Variants in SPRR2D observed in about 807,000 individuals in gnomAD.
SPRR2D encodes small proline-rich protein 2D.
For missense variants in SPRR2D, 81 were observed against 87.2 expected (o/e 0.93, Z 0.28); for synonymous variants, 43 against 32.8 (o/e 1.31, Z -1.06).
chr1:153,040,565 TC>T, intron 1 of SPRR2D, 200 bp from the exon 2 acceptor site: 2 of 944,664 alleles, frequency 2.1e-6, no homozygotes, highest in South Asian at 3.5e-5. Flanking sequence ...TTGTGTTTTC[TC>T]ATACAATTTT....
chr1:153,040,861 A>G (rs1320581275), intron 1 of SPRR2D: 1 of 179,826 alleles, frequency 5.6e-6, no homozygotes, highest in Non-Finnish European at 1.2e-5. Context: ...CTTCAATTCA[A>G]AGCTTTCCTA....
In SPRR2D at chr1:153,039,966, T is replaced by A. The variant is rs3204298; in HGVS notation, c.*162A>T. 3 of 1,377,556 alleles carry A rather than the reference T, an allele frequency of 2.2e-6. No individual in the cohort carries two copies. The highest frequency in any genetic ancestry group is 1.5e-5 in the African/African-American group (1 of 68,866). The allele number at this position is 1,377,556 out of a possible 1,614,324, so 85.3% of individuals were successfully genotyped here. A position where few individuals can be genotyped will look rare whatever the true frequency, so the allele number is the denominator to read the frequency against. On this transcript the variant is annotated 3_prime_UTR_variant, in exon 2 of 2. Coordinates refer to ENST00000360379, the MANE Select transcript of SPRR2D (RefSeq NM_006945.5). ...CAGTATGGCAGCCTCAGAAAGGGAA[T>A]CTTTTGCTGTCACAGATCATCACAG... is the stretch of plus-strand genomic sequence containing the variant.
In SPRR2D at chr1:153,040,340, A is replaced by C. The variant is rs755560875; in HGVS notation, c.7T>G (p.Tyr3Asp). 8.1e-6 allele frequency: 13 copies of C among 1,611,742 alleles called. No individual in the cohort carries two copies. The South Asian group carries it at 8.8e-5, about 11-fold the overall frequency. Residue 3 changes from tyrosine (Y) to aspartate (D), a missense_variant, in exon 2 of 2, where the codon TAT becomes GAT. Coordinates refer to ENST00000360379, the MANE Select transcript of SPRR2D (RefSeq NM_006945.5). Reference protein sequence around the residue: MSYQQQQCKQPCQ... With the variant: MSDQQQQCKQPCQ... ...GGCTGCTTGCACTGCTGCTGTTGATAAGACATCCTGCTGGAGTCTCAGGAT... is the reference window on the plus strand; with the variant it reads ...GGCTGCTTGCACTGCTGCTGTTGATCAGACATCCTGCTGGAGTCTCAGGAT...
chr1:153,040,888 T>C (rs1163138825), intron 1 of SPRR2D, 190 bp downstream of exon 1: 1 of 173,982 alleles, frequency 5.7e-6, no homozygotes, highest in African/African-American at 2.4e-5. Flanking sequence ...TCTCTGTCCG[T>C]ATGGACACCT....
intron 1 of SPRR2D, 81 bp from the exon 2 acceptor site, chr1:153,040,446 T>G: frequency 6.3e-7 from 1 of 1,575,914 alleles, no homozygotes; most frequent in Non-Finnish European, 8.6e-7. Context: ...TACCATGAAA[T>G]ATTATTTCCC....
chr1:153,040,500 C>T, intron 1 of SPRR2D, 135 bp from the exon 2 acceptor site: 1 of 1,419,854 alleles, frequency 7.0e-7, no homozygotes, highest in Non-Finnish European at 9.3e-7. Context: ...CTTTTCAAGA[C>T]TACTTCGTTT....
At position 153,040,213 on chromosome 1, in the gene SPRR2D, C is replaced by A. The variant is rs1207060917; in HGVS notation, c.134G>T (p.Cys45Phe). ...PCPSPKCPQP[C>F]PPQQCQQKYP... is the part of the protein sequence containing the mutation. Reference sequence around the variant, plus strand: ...TTTCTGCTGGCACTGCTGAGGTGGGCAGGGCTGTGGACACTTTGGTGATGG... The same window carrying A: ...TTTCTGCTGGCACTGCTGAGGTGGGAAGGGCTGTGGACACTTTGGTGATGG... The change falls in exon 2 of 2, where the codon TGC becomes TTC. Residue 45 changes from cysteine (C) to phenylalanine (F), a missense_variant. By Grantham distance (205) the Cys-to-Phe change is radical. Transcript: ENST00000360379. 1 of 1,612,630 alleles carries A rather than the reference C, an allele frequency of 6.2e-7. No individual in the cohort carries two copies. Among genetic ancestry groups the A allele is most frequent in the Non-Finnish European group, 8.5e-7 (1 of 1,179,852 alleles).
chr1:153,040,090 T>C lies in SPRR2D; in HGVS notation c.*38A>G. ...GCTGTGGAACGAGGTGAGCCAATTA[T>C]CCTTATCCTCTCATGCTCCTGATGA... On this transcript the variant is annotated 3_prime_UTR_variant, in exon 2 of 2. Transcript: ENST00000360379. 1.9e-6 allele frequency: 3 copies of C among 1,599,100 alleles called. No individual in the cohort carries two copies. The highest frequency in any genetic ancestry group is 1.7e-6 in the Non-Finnish European group (2 of 1,173,232).
Position 153,039,784 on chromosome 1 carries a change from G to A in SPRR2D, c.*344C>T, listed in dbSNP as rs1250395195. ...GTGAAAGATAAATGACAATTGCAAA[G>A]GTGGTAGAAGCTCATGACCAGGTGA... is the stretch of plus-strand genomic sequence containing the variant. On this transcript the variant is annotated 3_prime_UTR_variant, in exon 2 of 2. Transcript: ENST00000360379. 2.3e-6 allele frequency: 1 copy of A among 438,890 alleles called. No individual in the cohort carries two copies. The highest frequency in any genetic ancestry group is 4.0e-6 in the Non-Finnish European group (1 of 250,106). 27.2% of individuals were successfully genotyped at this position (438,890 alleles called of 1,614,324 possible).
In SPRR2D at chr1:153,039,919, C is replaced by G; in HGVS notation, c.*209G>C. 1 of 1,059,534 alleles carries G rather than the reference C, an allele frequency of 9.4e-7. No homozygotes were observed. The highest frequency in any genetic ancestry group is 1.3e-6 in the Non-Finnish European group (1 of 749,752). 65.6% of individuals were successfully genotyped at this position (1,059,534 alleles called of 1,614,324 possible). On this transcript the variant is annotated 3_prime_UTR_variant, in exon 2 of 2. Coordinates refer to ENST00000360379, the MANE Select transcript of SPRR2D (RefSeq NM_006945.5). The stretch of plus-strand genomic sequence containing the variant: ...CTGGCACAGCTGAGGACTTCCTTTT[C>G]TTAGCTCCACCTGGACAGTGGCAGT...
At chr1:153,040,788 A>T (rs1481720923) in intron 1 of SPRR2D, 1 of 195,358 alleles carries the variant, frequency 5.1e-6, no homozygotes, top group African/African-American at 2.4e-5. Flanking sequence ...ACCTGTTAAG[A>T]CACAAACCTT....
chr1:153,040,462 C>G (rs909686220), intron 1 of SPRR2D, 97 bp from the exon 2 acceptor site: 11 of 1,539,998 alleles, frequency 7.1e-6, no homozygotes, highest in Non-Finnish European at 9.6e-6. Context: ...TTCCCCATCT[C>G]CAAGAAATTA....
rs753655789 is a variant in SPRR2D at position 153,040,310 on chromosome 1, G to A, written c.37C>T (p.Gln13Ter). 4 of 1,612,092 alleles carry A rather than the reference G, an allele frequency of 2.5e-6. No individual in the cohort carries two copies. The East Asian group carries it at 8.9e-5, about 36-fold the overall frequency. Residue 13 changes from glutamine to a stop codon, truncating the protein, a stop_gained, in exon 2 of 2, where the codon CAG (glutamine) becomes TAG (stop). Transcript: ENST00000360379. LOFTEE classifies it low-confidence loss of function (END_TRUNC). ...GGCGTGGGGCACACAGGAGGTGGCT[G>A]GCAGGGCTGCTTGCACTGCTGCTGT... is the stretch of plus-strand genomic sequence containing the variant. ...YQQQQCKQPC[Q>*]PPPVCPTPKC... is the part of the protein sequence containing the mutation.
Position 153,039,736 on chromosome 1 carries a change from T to A in SPRR2D, c.*392A>T. 2.8e-6 allele frequency: 1 copy of A among 355,106 alleles called. No homozygotes were observed. The highest frequency in any genetic ancestry group is 5.0e-6 in the Non-Finnish European group (1 of 198,292). The allele number at this position is 355,106 out of a possible 1,614,324, so 22.0% of individuals were successfully genotyped here. A position where few individuals can be genotyped will look rare whatever the true frequency, so the allele number is the denominator to read the frequency against. The stretch of plus-strand genomic sequence containing the variant: ...CAAAAGATCCATTCACAAATATATA[T>A]GCATAGATACTTTATTCAGGGAGTG... On this transcript the variant is annotated 3_prime_UTR_variant, in exon 2 of 2. Transcript: ENST00000360379.
rs1653957992 is a variant in SPRR2D at position 153,040,355 on chromosome 1, A to C, written c.-9T>G. ...TGCTGTTGATAAGACATCCTGCTGG[A>C]GTCTCAGGATCTGAAAGAAATGATA... On this transcript the variant is annotated 5_prime_UTR_variant, in exon 2 of 2. Coordinates refer to ENST00000360379, the MANE Select transcript of SPRR2D (RefSeq NM_006945.5). 1 of 1,611,348 alleles carries C rather than the reference A, an allele frequency of 6.2e-7. No homozygotes were observed. Among genetic ancestry groups the C allele is most frequent in the East Asian group, 2.2e-5 (1 of 44,866 alleles).
intron 1 of SPRR2D, chr1:153,040,698 C>CCTCTT: frequency 9.7e-6 from 4 of 413,498 alleles, no homozygotes; most frequent in Admixed American, 8.1e-5. Context: ...TTTCTCTTAT[C>CCTCTT]ATTATCTGTA....
At position 153,040,028 on chromosome 1, in the gene SPRR2D, C is replaced by T. The variant is rs3204290; in HGVS notation, c.*100G>A. The T allele has an allele frequency of 2.6e-6, 4 of 1,537,176 alleles. No individual in the cohort carries two copies. Among genetic ancestry groups the T allele is most frequent in the Admixed American group, 2.0e-5 (1 of 51,188 alleles). Reference sequence around the variant, plus strand: ...GTTAAGGAGAAAGAAGCTCCCTGTGCATCCATGGAAGGCTTTGGTGAGAAG... The same window carrying T: ...GTTAAGGAGAAAGAAGCTCCCTGTGTATCCATGGAAGGCTTTGGTGAGAAG... On this transcript the variant is annotated 3_prime_UTR_variant, in exon 2 of 2. Transcript: ENST00000360379.
rs532202136 is a variant in SPRR2D at position 153,039,960 on chromosome 1, A to C, written c.*168T>G. 9 of 1,351,672 alleles carry C rather than the reference A, an allele frequency of 6.7e-6. No individual in the cohort carries two copies. The highest frequency in any genetic ancestry group is 1.5e-5 in the African/African-American group (1 of 68,440). The allele number at this position is 1,351,672 out of a possible 1,614,324, so 83.7% of individuals were successfully genotyped here. A position where few individuals can be genotyped will look rare whatever the true frequency, so the allele number is the denominator to read the frequency against. On this transcript the variant is annotated 3_prime_UTR_variant, in exon 2 of 2. Transcript: ENST00000360379. ...CAGTGGCAGTATGGCAGCCTCAGAA[A>C]GGGAATCTTTTGCTGTCACAGATCA...
intron 1 of SPRR2D, chr1:153,040,605 A>G (rs1426820087): frequency 1.5e-5 from 10 of 683,888 alleles, no homozygotes; most frequent in Non-Finnish European, 2.4e-5. Context: ...GTAGTAATGA[A>G]CCAAGCATGT....
Sources: allele counts gnomAD v4.1 joint callset, GRCh38; gene constraint gnomAD v4.1.1; transcripts MANE v1.5; gene names NCBI Gene and HGNC (gene_info 2026-07-23, HGNC 2026-07-21).